DPP10: variants seen among roughly 807,000 people sequenced by gnomAD.
The protein encoded by DPP10 is inactive dipeptidyl peptidase 10.
A neutral mutation model predicts 120.9 loss-of-function variants in DPP10; 33 were observed. The ratio of observed to expected loss-of-function variants is 0.27; its 90% CI spans 0.21 to 0.37. DPP10 has a LOEUF of 0.37. Among genes scored for constraint, DPP10 ranks in the 10% least tolerant of loss-of-function variants. DPP10 has a pLI of 1.00. For missense variants in DPP10, 816 were observed against 942.8 expected (o/e 0.87, Z 1.76); for synonymous variants, 337 against 326.1 (o/e 1.03, Z -0.36).
At chr2:114,516,867 A>G (rs1043667199) in intron 1 of DPP10, among the ~76,000 whole-genome samples, 8 of 152,212 alleles carry the variant, frequency 5.3e-5, no homozygotes, top group African/African-American at 1.7e-4. Flanking sequence ...TTAATACTCA[A>G]AGATGCTCAG....
intron 1 of DPP10, among the ~76,000 whole-genome samples, chr2:114,789,254 G>C (rs1302045178): frequency 3.9e-5 from 6 of 152,210 alleles, no homozygotes; most frequent in Admixed American, 6.5e-5. Flanking sequence ...TCTTACCAGA[G>C]TAACAGGGGA....
chr2:114,926,468 C>A (rs191956748), intron 1 of DPP10, among the ~76,000 whole-genome samples: 1 of 152,324 alleles, frequency 6.6e-6, no homozygotes, highest in East Asian at 1.9e-4. Context: ...GAAGCTGGAT[C>A]AGATCACAAA....
chr2:114,696,467 C>T (rs1227255084), intron 1 of DPP10, among the ~76,000 whole-genome samples: 1 of 151,948 alleles, frequency 6.6e-6, no homozygotes, highest in Non-Finnish European at 1.5e-5. Context: ...AAAGACAATT[C>T]TTTTATTTGC....
chr2:114,609,867 G>A (rs1693140030), intron 1 of DPP10, among the ~76,000 whole-genome samples: 1 of 152,180 alleles, frequency 6.6e-6, no homozygotes, highest in South Asian at 2.1e-4. Flanking sequence ...GGAACTAAGA[G>A]GGTGTCTTTA....
intron 1 of DPP10, among the ~76,000 whole-genome samples, chr2:115,261,556 A>C (rs2105752611): frequency 6.6e-6 from 1 of 152,308 alleles, no homozygotes; most frequent in East Asian, 1.9e-4. Context: ...AGGGAAATAA[A>C]ATTTCCACAC....
chr2:115,346,172 G>A (rs895148525), intron 3 of DPP10, among the ~76,000 whole-genome samples: 4 of 152,238 alleles, frequency 2.6e-5, no homozygotes, highest in South Asian at 2.1e-4. Context: ...GCCTATTTAC[G>A]TATTCCTCAC....
At chr2:115,050,380 C>T (rs1705381808) in intron 1 of DPP10, among the ~76,000 whole-genome samples, 2 of 152,066 alleles carry the variant, frequency 1.3e-5, no homozygotes, top group Admixed American at 1.3e-4. Context: ...TGTTTTAGCC[C>T]ACCTGGTAGC....
At chr2:115,450,440 C>T (rs1349316914) in intron 3 of DPP10, among the ~76,000 whole-genome samples, 1 of 152,050 alleles carries the variant, frequency 6.6e-6, no homozygotes. Flanking sequence ...TGGATTCTAA[C>T]TGAATAAAGC....
chr2:115,268,919 G>GT (rs1559341001), intron 1 of DPP10, among the ~76,000 whole-genome samples: 3 of 58,676 alleles, frequency 5.1e-5, no homozygotes, highest in Non-Finnish European at 9.2e-5. Context: ...GGAGGCCGAG[G>GT]CGGCGGATCA....
chr2:114,750,566 C>T (rs1344042817), intron 1 of DPP10, among the ~76,000 whole-genome samples: 1 of 152,158 alleles, frequency 6.6e-6, no homozygotes, highest in African/African-American at 2.4e-5. Flanking sequence ...ATCTCCTAAC[C>T]TCGTGATCCG....
intron 5 of DPP10, among the ~76,000 whole-genome samples, chr2:115,550,725 T>C (rs1163722757): frequency 6.6e-6 from 1 of 152,152 alleles, no homozygotes; most frequent in African/African-American, 2.4e-5. Context: ...GTTCAGACTC[T>C]CTATTGAAAT....
At chr2:114,995,522 A>C (rs1345383828) in intron 1 of DPP10, among the ~76,000 whole-genome samples, 1 of 152,262 alleles carries the variant, frequency 6.6e-6, no homozygotes, top group African/African-American at 2.4e-5. Context: ...TGAGAACTGC[A>C]TAACCTCTTT....
At chr2:115,528,045 T>C (rs890964586) in intron 5 of DPP10, among the ~76,000 whole-genome samples, 15 of 152,154 alleles carry the variant, frequency 9.9e-5, no homozygotes, top group Admixed American at 9.2e-4. Flanking sequence ...CATGTGTCTT[T>C]ATAGCAGCAT....
chr2:114,744,417 A>G (rs559507153), intron 1 of DPP10, among the ~76,000 whole-genome samples: 1 of 152,328 alleles, frequency 6.6e-6, no homozygotes, highest in Non-Finnish European at 1.5e-5. Context: ...GTGAAGACTG[A>G]ACGGTAGTTG....
At chr2:114,729,804 C>T (rs2105937545) in intron 1 of DPP10, among the ~76,000 whole-genome samples, 1 of 152,336 alleles carries the variant, frequency 6.6e-6, no homozygotes, top group South Asian at 2.1e-4. Flanking sequence ...TGTGGACTAA[C>T]TTCGTGGTCC....
chr2:115,676,010 A>G (rs1295581936), intron 5 of DPP10, among the ~76,000 whole-genome samples: 1 of 152,154 alleles, frequency 6.6e-6, no homozygotes, highest in Non-Finnish European at 1.5e-5. Context: ...TAGAGTATAA[A>G]TAGTCTAGCA....
At chr2:115,130,306 G>T (rs2050275615) in intron 1 of DPP10, among the ~76,000 whole-genome samples, 1 of 152,076 alleles carries the variant, frequency 6.6e-6, no homozygotes, top group Admixed American at 6.5e-5. Context: ...TCAGTTGTCT[G>T]GTCTCTCTGT....
intron 7 of DPP10, among the ~76,000 whole-genome samples, chr2:115,705,044 T>G (rs141010969): frequency 6.6e-4 from 100 of 152,098 alleles, no homozygotes; most frequent in African/African-American, 2.3e-3. Flanking sequence ...TCCACATCTC[T>G]CTATCACCTG....
At chr2:114,627,567 C>T (rs1428998645) in intron 1 of DPP10, among the ~76,000 whole-genome samples, 1 of 151,854 alleles carries the variant, frequency 6.6e-6, no homozygotes, top group East Asian at 1.9e-4. Context: ...AATAACTGCA[C>T]AACAATCAAA....
Sources: allele counts gnomAD v4.1 joint callset (sites outside exome capture counted in the v4.1 genomes callset), GRCh38; gene constraint gnomAD v4.1.1; transcripts MANE v1.5; gene names NCBI Gene and HGNC (gene_info 2026-07-23, HGNC 2026-07-21).